Variants in NAA15 observed in about 807,000 individuals in gnomAD.
NAA15 encodes N-alpha-acetyltransferase 15, NatA auxiliary subunit.
A neutral mutation model predicts 114.0 loss-of-function variants in NAA15; 34 were observed. That is an observed-to-expected ratio of 0.30 (90% CI 0.23 to 0.40). NAA15 has a LOEUF of 0.40. Among genes scored for constraint, NAA15 ranks in the 10% least tolerant of loss-of-function variants. The pLI is 1.00. For missense variants in NAA15, 658 were observed against 1,004.5 expected (o/e 0.66, Z 4.66); for synonymous variants, 340 against 338.0 (o/e 1.01, Z -0.06).
chr4:139,345,217 A>T (rs561355115), intron 6 of NAA15, among the ~76,000 whole-genome samples: 1 of 152,188 alleles, frequency 6.6e-6, no homozygotes, highest in African/African-American at 2.4e-5. Context: ...CTGGAATTCT[A>T]AGACTTCTGG....
chr4:139,336,938 T>TG lies in NAA15; in HGVS notation c.231dup (p.Lys78GlufsTer20), dbSNP rs757423402. On this transcript the variant is annotated frameshift_variant, in exon 3 of 20. Coordinates refer to ENST00000296543, the MANE Select transcript of NAA15 (RefSeq NM_057175.5). LOFTEE classifies it high-confidence loss of function. ...GTTCGTAGAGGTTTGAGAAATGACTTGAAGAGTCATGTGTGTATCCTTTTT... is the reference window on the plus strand; with the variant it reads ...GTTCGTAGAGGTTTGAGAAATGACTTGGAAGAGTCATGTGTGTATCCTTTTT... 1 of 1,593,282 alleles carries TG rather than the reference T, an allele frequency of 6.3e-7. No homozygotes were observed.
rs1270864388 is a variant in NAA15 at position 139,342,904 on chromosome 4, T to C, written c.481T>C (p.Leu161=). 6.2e-7 allele frequency: 1 copy of C among 1,612,918 alleles called. No homozygotes were observed. Among genetic ancestry groups the C allele is most frequent in the Non-Finnish European group, 8.5e-7 (1 of 1,178,912 alleles). Residue 161 remains leucine, a synonymous_variant, in exon 5 of 20, where the codon TTA becomes CTA. Coordinates refer to ENST00000296543, the MANE Select transcript of NAA15 (RefSeq NM_057175.5). Reference sequence around the variant, plus strand: ...TGGTTATGCTATTGCTTACCATTTATTAGAAGATTATGAAATGGCAGCAAA... The same window carrying C: ...TGGTTATGCTATTGCTTACCATTTACTAGAAGATTATGAAATGGCAGCAAA... ...WIGYAIAYHL[L]EDYEMAAKIL...
chr4:139,364,100 C>T (rs1342844752), intron 14 of NAA15, among the ~76,000 whole-genome samples: 1 of 152,084 alleles, frequency 6.6e-6, no homozygotes, highest in Non-Finnish European at 1.5e-5. Context: ...TGTCTTGAGC[C>T]CCTTGGCTCA....
chr4:139,314,550 G>T (rs1746318509), intron 1 of NAA15, among the ~76,000 whole-genome samples: 1 of 151,848 alleles, frequency 6.6e-6, no homozygotes. Context: ...CTGAAGTATG[G>T]CTGTTTACTA....
intron 1 of NAA15, among the ~76,000 whole-genome samples, chr4:139,319,486 A>G (rs1430555804): frequency 6.6e-6 from 1 of 151,938 alleles, no homozygotes; most frequent in African/African-American, 2.4e-5. Flanking sequence ...CCAACACTGC[A>G]GTGTAGTGAC....
At chr4:139,302,406 A>C (rs1470681077) in intron 1 of NAA15, 3 of 152,460 alleles carry the variant, frequency 2.0e-5, no homozygotes, top group Non-Finnish European at 4.4e-5. Flanking sequence ...AAAGCTTTTC[A>C]AACGACTACC....
intron 11 of NAA15, among the ~76,000 whole-genome samples, chr4:139,358,319 A>G (rs950364413): frequency 6.6e-6 from 1 of 150,918 alleles, no homozygotes; most frequent in Admixed American, 6.6e-5. Context: ...CAGCCTCCGG[A>G]GTGGTAGCTG....
rs549171125 is a variant in NAA15 at position 139,354,177 on chromosome 4, A to G, written c.1087+79A>G. On this transcript the variant is annotated intron_variant, in intron 10 of 19. Coordinates refer to ENST00000296543, the MANE Select transcript of NAA15 (RefSeq NM_057175.5). Reference sequence around the variant, plus strand: ...TGAAATTCTTAATCAGAAGGTCAGTATTATTACTTAGGCAGTAAGCACAGT... The same window carrying G: ...TGAAATTCTTAATCAGAAGGTCAGTGTTATTACTTAGGCAGTAAGCACAGT... The G allele has an allele frequency of 4.2e-6, 5 of 1,177,990 alleles. No homozygotes were observed. The South Asian group carries it at 6.3e-5, about 15-fold the overall frequency. 73.0% of individuals were successfully genotyped at this position (1,177,990 alleles called of 1,614,324 possible). A position where few individuals can be genotyped will look rare whatever the true frequency, so the allele number is the denominator to read the frequency against.
In NAA15 at chr4:139,344,272, A is replaced by C; in HGVS notation, c.624A>C (p.Glu208Asp). The C allele has an allele frequency of 6.2e-7, 1 of 1,613,206 alleles. No individual in the cohort carries two copies. Among genetic ancestry groups the C allele is most frequent in the South Asian group, 1.1e-5 (1 of 90,998 alleles). The change falls in exon 6 of 20, where the codon GAA becomes GAC. Residue 208 changes from glutamate (E) to aspartate (D), a missense_variant. Glu to Asp is a conservative substitution (Grantham distance 45). Around this residue, in one of 6 missense-constraint regions of NAA15, gnomAD observed 281 missense variants for 389.1 expected, o/e 0.72. Coordinates refer to ENST00000296543, the MANE Select transcript of NAA15 (RefSeq NM_057175.5). ...QVLREAGLYR[E>D]ALEHLCTYEK... The stretch of plus-strand genomic sequence containing the variant: ...TTCGGGAAGCAGGTCTCTATAGAGA[A>C]GCTTTGGAACATCTTTGTACCTATG...
rs187918118 is a variant in NAA15 at position 139,321,423 on chromosome 4, A to G, written c.55-12751A>G. Among the ~76,000 whole-genome samples the G allele has an allele frequency of 5.8e-3, 876 of 150,704 alleles. 13 individuals are homozygous for G. The highest frequency in any genetic ancestry group is 0.021 in the African/African-American group (843 of 41,080). On this transcript the variant is annotated intron_variant, in intron 1 of 19. Coordinates refer to ENST00000296543, the MANE Select transcript of NAA15 (RefSeq NM_057175.5). The stretch of plus-strand genomic sequence containing the variant: ...AAGTGATCCTCCTGCCTCAGACTCC[A>G]GAAGCACTGGGATTACAAACTTGAG...
chr4:139,324,634 T>C (rs888861978), intron 1 of NAA15, among the ~76,000 whole-genome samples: 3 of 152,188 alleles, frequency 2.0e-5, no homozygotes, highest in African/African-American at 7.2e-5. Context: ...GTAAGTTCCC[T>C]AAAAAGTTAG....
intron 1 of NAA15, among the ~76,000 whole-genome samples, chr4:139,304,200 C>G (rs573505632): frequency 1.4e-3 from 213 of 152,342 alleles, no homozygotes; most frequent in African/African-American, 4.8e-3. Flanking sequence ...TTACAGGCGT[C>G]AGCCACCGCA....
intron 16 of NAA15, 60 bp from the exon 17 acceptor site, chr4:139,378,696 C>A: frequency 2.0e-6 from 2 of 982,274 alleles, no homozygotes; most frequent in South Asian, 1.6e-5. Context: ...GAAGTCTTGG[C>A]CCTCCAAAGG....
intron 1 of NAA15, among the ~76,000 whole-genome samples, chr4:139,311,523 T>C (rs1357926804): frequency 6.6e-6 from 1 of 151,980 alleles, no homozygotes; most frequent in Admixed American, 6.6e-5. Flanking sequence ...GTTTAATTTA[T>C]AAATGAATTA....
chr4:139,334,339 T>G (rs962782672), intron 2 of NAA15, 81 bp downstream of exon 2: 2 of 891,222 alleles, frequency 2.2e-6, no homozygotes, highest in African/African-American at 3.5e-5. Flanking sequence ...CTGCCTTAAC[T>G]GTTTTCCAGA....
chr4:139,385,286 A>ATATATATATATATATAATATATAT (rs1748873503), intron 18 of NAA15, among the ~76,000 whole-genome samples: 1 of 95,282 alleles, frequency 1.0e-5, no homozygotes, highest in South Asian at 3.1e-4. Context: ...TATATATAAT[A>ATATATATATATATATAATATATAT]TATATATATA....
At chr4:139,350,801 A>G (rs1747754247) in intron 7 of NAA15, among the ~76,000 whole-genome samples, 1 of 152,328 alleles carries the variant, frequency 6.6e-6, no homozygotes, top group South Asian at 2.1e-4. Flanking sequence ...TGAAAAACCT[A>G]CTTACTAAAA....
chr4:139,350,459 G>T (rs1747739296), intron 7 of NAA15, among the ~76,000 whole-genome samples: 1 of 152,172 alleles, frequency 6.6e-6, no homozygotes, highest in South Asian at 2.1e-4. Context: ...ACTCAAACTT[G>T]GATTCAGACG....
intron 1 of NAA15, among the ~76,000 whole-genome samples, chr4:139,302,866 G>A (rs547516874): frequency 1.2e-3 from 190 of 152,242 alleles, no homozygotes; most frequent in Non-Finnish European, 2.3e-3. Flanking sequence ...CACATTTTTT[G>A]TTTGGCATTT....
Sources: allele counts gnomAD v4.1 joint callset (sites outside exome capture counted in the v4.1 genomes callset), GRCh38; gene constraint gnomAD v4.1.1; regional missense constraint gnomAD v4.1.1; transcripts MANE v1.5; gene names NCBI Gene and HGNC (gene_info 2026-07-23, HGNC 2026-07-21).